The following FRMD4A variants were observed in gnomAD, a reference collection of about 807,000 sequenced individuals.
The protein encoded by FRMD4A is FERM domain containing 4A, also known as FERM domain-containing protein 4A.
In FRMD4A, 29 loss-of-function variants were observed where a neutral mutation model predicts 129.1. The observed-to-expected ratio is 0.22, with a 90% CI of 0.17 to 0.31. The LOEUF is 0.31. Ranked by LOEUF, FRMD4A falls within the 10% of genes least tolerant of loss-of-function variation. FRMD4A has a pLI of 1.00. For synonymous variants in FRMD4A, 634 were observed against 571.6 expected, an observed-to-expected ratio of 1.11 and a Z score of -1.56; for missense variants, 1,272 against 1,375.8, an observed-to-expected ratio of 0.92 and a Z score of 1.19.
At chr10:13,971,006 TC>T (rs1311646103) in intron 2 of FRMD4A, among the ~76,000 whole-genome samples, 1 of 152,130 alleles carries the variant, frequency 6.6e-6, no homozygotes, top group Non-Finnish European at 1.5e-5. Context: ...CTGAGGATCT[TC>T]CCGCCTTGCC....
At chr10:14,308,846 A>G (rs1374283807) in intron 2 of FRMD4A, among the ~76,000 whole-genome samples, 1 of 152,220 alleles carries the variant, frequency 6.6e-6, no homozygotes. Context: ...TTGTTTTCAC[A>G]TAAGTTGAAA....
intron 2 of FRMD4A, among the ~76,000 whole-genome samples, chr10:14,318,318 T>C (rs1041340): frequency 0.017 from 2,538 of 145,644 alleles, 46 homozygotes; most frequent in Middle Eastern, 0.025. Flanking sequence ...CCAAGCTATA[T>C]CCCCCCCCAC....
At chr10:13,756,591 C>T (rs1175163658) in intron 8 of FRMD4A, among the ~76,000 whole-genome samples, 2 of 152,190 alleles carry the variant, frequency 1.3e-5, no homozygotes, top group East Asian at 3.8e-4. Flanking sequence ...TCTCGAACTC[C>T]TGGCCTCAAG....
chr10:13,740,075 G>T, intron 11 of FRMD4A, 119 bp downstream of exon 11: 1 of 715,182 alleles, frequency 1.4e-6, no homozygotes, highest in Non-Finnish European at 2.5e-6. Context: ...CACCAGCCTG[G>T]GAGACAAAGC....
rs1405425854 is a variant in FRMD4A, at chr10:13,821,526, G to A, written c.112-10618C>T. ...CTAGGAGTGACAGTGGCATCACATC[G>A]CTGCAGCAGAACAGCAAAGCTGCCA... On this transcript the variant is annotated intron_variant, in intron 3 of 24. Transcript: ENST00000357447. This position sits in a 1 kb window ranked among gnomAD's most constrained non-coding sequence, Gnocchi z 4.3. 6.6e-6 allele frequency among the ~76,000 whole-genome samples: 1 copy of A among 152,126 alleles called. No individual in the cohort carries two copies. Among genetic ancestry groups the A allele is most frequent in the East Asian group, 1.9e-4 (1 of 5,194 alleles).
chr10:14,202,621 G>A (rs950084919), intron 2 of FRMD4A, among the ~76,000 whole-genome samples: 4 of 151,842 alleles, frequency 2.6e-5, no homozygotes, highest in South Asian at 2.1e-4. Context: ...GGCTGGTCTC[G>A]AACTCCTGAC....
chr10:14,143,741 A>T lies in FRMD4A; in HGVS notation c.45+186317T>A, dbSNP rs1041529164. On this transcript the variant is annotated intron_variant, in intron 2 of 24. Coordinates refer to ENST00000357447, the MANE Select transcript of FRMD4A (RefSeq NM_018027.5). ...GCAATTCTCCTGCCTCAGCCTCCCC[A>T]GTATCTGGGATTACAGGTACCCACC... is the stretch of plus-strand genomic sequence containing the variant. Among the ~76,000 whole-genome samples, 78 of 151,992 alleles carry T rather than the reference A, an allele frequency of 5.1e-4. 1 individual carries two copies. Among genetic ancestry groups the T allele is most frequent in the Admixed American group, 5.1e-3 (78 of 15,260 alleles).
chr10:13,810,730 T>C (rs971616021), intron 4 of FRMD4A, 84 bp downstream of exon 4: 8 of 654,398 alleles, frequency 1.2e-5, no homozygotes, highest in Non-Finnish European at 2.1e-5. Flanking sequence ...GCAGCTGATT[T>C]CGCTGCTAAC....
At chr10:14,243,155 C>A (rs568993081) in intron 2 of FRMD4A, among the ~76,000 whole-genome samples, 1 of 152,138 alleles carries the variant, frequency 6.6e-6, no homozygotes, top group African/African-American at 2.4e-5. Flanking sequence ...CACAAATAAA[C>A]CTTGAGAACA....
At chr10:14,313,917 C>T (rs562691403) in intron 2 of FRMD4A, among the ~76,000 whole-genome samples, 5 of 152,356 alleles carry the variant, frequency 3.3e-5, no homozygotes, top group African/African-American at 1.2e-4. Flanking sequence ...AATGCAGCTA[C>T]TCTTTTCCCC....
intron 2 of FRMD4A, among the ~76,000 whole-genome samples, chr10:14,020,249 G>A (rs566910037): frequency 2.6e-5 from 4 of 152,264 alleles, no homozygotes; most frequent in East Asian, 1.9e-4. Context: ...AGCCAGAGAC[G>A]CCCCAGAGTG....
chr10:14,196,442 C>T (rs1842475101), intron 2 of FRMD4A, among the ~76,000 whole-genome samples: 1 of 152,086 alleles, frequency 6.6e-6, no homozygotes, highest in South Asian at 2.1e-4. Flanking sequence ...CTTTAGGGCA[C>T]CTGAAGGGCA....
At chr10:13,918,421 G>GTTTATTTA (rs1211793369) in intron 2 of FRMD4A, among the ~76,000 whole-genome samples, 1 of 148,332 alleles carries the variant, frequency 6.7e-6, no homozygotes, top group Admixed American at 6.8e-5. Flanking sequence ...TGTTAGAGTG[G>GTTTATTTA]TTCATTTATT....
intron 3 of FRMD4A, among the ~76,000 whole-genome samples, chr10:13,818,134 G>C (rs1317758030): frequency 6.6e-6 from 1 of 152,092 alleles, no homozygotes; most frequent in Non-Finnish European, 1.5e-5. Context: ...ACCATAAAAA[G>C]AATTCCTATA....
chr10:14,099,726 C>G (rs908437364), intron 2 of FRMD4A, among the ~76,000 whole-genome samples: 2 of 152,154 alleles, frequency 1.3e-5, no homozygotes, highest in African/African-American at 2.4e-5. Flanking sequence ...TTTTAATGGT[C>G]CCTTTTATAT....
chr10:13,837,946 C>G (rs1232848266), intron 3 of FRMD4A, among the ~76,000 whole-genome samples: 1 of 152,198 alleles, frequency 6.6e-6, no homozygotes, highest in African/African-American at 2.4e-5. Flanking sequence ...CAATGAAGAC[C>G]TCTTAAGGGG....
chr10:13,912,520 ATTTTTTTTT>A (rs57865883), intron 2 of FRMD4A, among the ~76,000 whole-genome samples: 12 of 126,212 alleles, frequency 9.5e-5, no homozygotes, highest in African/African-American at 3.5e-4. Flanking sequence ...ACATAATAGA[ATTTTTTTTT>A]TTTTTTTTTT....
intron 2 of FRMD4A, among the ~76,000 whole-genome samples, chr10:14,156,729 C>T (rs1351410006): frequency 6.6e-6 from 1 of 152,180 alleles, no homozygotes; most frequent in Non-Finnish European, 1.5e-5. Flanking sequence ...CTCAACTCTA[C>T]TTGGAAAACA....
At chr10:14,287,535 C>A (rs1161862181) in intron 2 of FRMD4A, among the ~76,000 whole-genome samples, 1 of 152,092 alleles carries the variant, frequency 6.6e-6, no homozygotes, top group African/African-American at 2.4e-5. Context: ...TCTTTAGGAT[C>A]CAAAGAGTAA....
Sources: gnomAD v4.1 joint callset for allele counts (sites outside exome capture counted in the v4.1 genomes callset) on GRCh38, gnomAD v4.1.1 for gene constraint, Gnocchi (gnomAD v3.1) non-coding constraint, MANE v1.5 for transcripts, NCBI Gene and HGNC (gene_info 2026-07-23, HGNC 2026-07-21) for gene names.